Variants in ERCC6L observed in about 807,000 individuals in gnomAD.
ERCC6L encodes DNA excision repair protein ERCC-6-like.
In ERCC6L, 7 loss-of-function variants were observed where a neutral mutation model predicts 20.1. The ratio of observed to expected loss-of-function variants is 0.35; its 90% CI spans 0.20 to 0.65. The LOEUF (loss-of-function observed/expected upper bound fraction) is 0.65. Ranked by LOEUF, ERCC6L falls within the 30% of genes least tolerant of loss-of-function variation. The probability of loss-of-function intolerance (pLI) is 0.69; values close to 1 mark genes in which losing one functional copy is unlikely to be tolerated. For missense variants in ERCC6L, 592 were observed against 892.4 expected, an observed-to-expected ratio of 0.66 and a Z score of 4.29; for synonymous variants, 278 against 331.3, an observed-to-expected ratio of 0.84 and a Z score of 1.75.
chrX:72,212,134 G>A (rs1056729657), intron 1 of ERCC6L, among the ~76,000 whole-genome samples: 4 of 110,298 alleles, frequency 3.6e-5, no homozygotes, highest in Non-Finnish European at 5.7e-5. Flanking sequence ...AAAATTAGCC[G>A]GGCATGGTGG....
At chrX:72,230,417 C>T (rs1463878219) in intron 1 of ERCC6L, among the ~76,000 whole-genome samples, 1 of 110,877 alleles carries the variant, frequency 9.0e-6, no homozygotes, top group Non-Finnish European at 1.9e-5. Flanking sequence ...ACCTCTCCCT[C>T]ACACAGAAAC....
chrX:72,238,786 C>T (rs978350988), intron 1 of ERCC6L, 58 bp downstream of exon 1: 1 of 1,099,017 alleles, frequency 9.1e-7, no homozygotes, highest in African/African-American at 1.8e-5. Context: ...CGGGGGCCAC[C>T]CCACCTCCAC....
chrX:72,226,916 T>C (rs773033741), intron 1 of ERCC6L, among the ~76,000 whole-genome samples: 1 of 111,620 alleles, frequency 9.0e-6, no homozygotes, highest in Non-Finnish European at 1.9e-5. Flanking sequence ...TGACAACATT[T>C]CTTAAGCTCC....
Position 72,238,824 on chromosome X carries a change from G to C in ERCC6L, c.68+20C>G. ...TGGGCCAGGTCGGTTAGCTAGACCCGCCCAGCGGTCCAGACATACCTTAGG... is the reference window on the plus strand; with the variant it reads ...TGGGCCAGGTCGGTTAGCTAGACCCCCCCAGCGGTCCAGACATACCTTAGG... On this transcript the variant is annotated intron_variant, in intron 1 of 1. Coordinates refer to ENST00000334463, the MANE Select transcript of ERCC6L (RefSeq NM_017669.4). The C allele has an allele frequency of 2.6e-6, 3 of 1,175,493 alleles. No individual in the cohort carries two copies. Among genetic ancestry groups the C allele is most frequent in the Non-Finnish European group, 3.4e-6 (3 of 876,156 alleles).
intron 1 of ERCC6L, among the ~76,000 whole-genome samples, chrX:72,223,936 A>G (rs1162155980): frequency 9.0e-6 from 1 of 110,941 alleles, no homozygotes; most frequent in African/African-American, 3.3e-5. Flanking sequence ...CTTTGGGGAC[A>G]CTGGAAAATG....
Position 72,208,600 on chromosome X carries a change from A to G in ERCC6L, c.167T>C (p.Val56Ala). Residue 56 changes from valine to alanine, a missense_variant, in exon 2 of 2, where the codon GTG becomes GCG. Val to Ala is a moderately conservative substitution (Grantham distance 64). Around this residue, in one of 3 missense-constraint regions of ERCC6L, gnomAD observed 44 missense variants for 49.8 expected, o/e 0.88. Coordinates refer to ENST00000334463, the MANE Select transcript of ERCC6L (RefSeq NM_017669.4). Reference sequence around the variant, plus strand: ...CTGTATTTTTTGGATTCTGCTCAGCACTTTTTCATTGGGAAAAATGTCCTT... The same window carrying G: ...CTGTATTTTTTGGATTCTGCTCAGCGCTTTTTCATTGGGAAAAATGTCCTT... ...LAKDIFPNEK[V>A]LSRIQKIQEA... is the part of the protein sequence containing the mutation. The G allele has an allele frequency of 8.3e-7, 1 of 1,211,317 alleles. No homozygotes were observed. The highest frequency in any genetic ancestry group is 1.1e-6 in the Non-Finnish European group (1 of 895,217).
chrX:72,235,594 C>T (rs986304858), intron 1 of ERCC6L, among the ~76,000 whole-genome samples: 9 of 109,602 alleles, frequency 8.2e-5, no homozygotes, highest in Middle Eastern at 9.3e-3. Context: ...GGTTTCATCA[C>T]GTTGGCCAGG....
chrX:72,224,348 T>C (rs937507228), intron 1 of ERCC6L, among the ~76,000 whole-genome samples: 2 of 111,231 alleles, frequency 1.8e-5, no homozygotes, highest in African/African-American at 3.3e-5. Flanking sequence ...GGAAGGGACA[T>C]CCTACACAAA....
At chrX:72,238,707 A>T in intron 1 of ERCC6L, 137 bp downstream of exon 1, 1 of 527,527 alleles carries the variant, frequency 1.9e-6, no homozygotes, top group Non-Finnish European at 3.1e-6. Flanking sequence ...CCCACACCCT[A>T]CTGCGAGAAG....
At position 72,207,656 on chromosome X, in the gene ERCC6L, T is replaced by C; in HGVS notation, c.1111A>G (p.Ile371Val). The change falls in exon 2 of 2, where the codon ATA becomes GTA. Residue 371 changes from isoleucine to valine, a missense_variant. Physicochemically the swap from Ile to Val is conservative, Grantham distance 29 (BLOSUM62 3). Around this residue, in one of 3 missense-constraint regions of ERCC6L, gnomAD observed 196 missense variants for 440.1 expected, o/e 0.45. Transcript: ENST00000334463. ...TCTTCTTGTAAAGGCACAAGTCGTATCCAAATAATTAAATCATTTTTCCTG... is the reference window on the plus strand; with the variant it reads ...TCTTCTTGTAAAGGCACAAGTCGTACCCAAATAATTAAATCATTTTTCCTG... ...LSRKNDLIIW[I>V]RLVPLQEEIY... 2 of 1,209,648 alleles carry C rather than the reference T, an allele frequency of 1.7e-6. No individual in the cohort carries two copies. Among genetic ancestry groups the C allele is most frequent in the Non-Finnish European group, 1.1e-6 (1 of 894,572 alleles).
At chrX:72,233,823 T>G (rs1049249084) in intron 1 of ERCC6L, among the ~76,000 whole-genome samples, 11 of 104,518 alleles carry the variant, frequency 1.1e-4, no homozygotes, top group African/African-American at 2.8e-4. Context: ...AAGAATATGG[T>G]TTTTTTTTTG....
In ERCC6L at chrX:72,229,690, T is replaced by C. The variant is rs1039448356; in HGVS notation, c.68+9154A>G. On this transcript the variant is annotated intron_variant, in intron 1 of 1. Coordinates refer to ENST00000334463, the MANE Select transcript of ERCC6L (RefSeq NM_017669.4). ...TATCTATCTCCCTCCATTGGACTTG[T>C]TCCTCCTGATCGACCTTTGCCCATC... 2.7e-5 allele frequency among the ~76,000 whole-genome samples: 3 copies of C among 111,592 alleles called. No individual in the cohort carries two copies. In the Admixed American group the frequency reaches 2.9e-4, roughly 11 times the overall value.
intron 1 of ERCC6L, among the ~76,000 whole-genome samples, chrX:72,223,832 T>A (rs1025272403): frequency 9.0e-6 from 1 of 111,596 alleles, no homozygotes; most frequent in African/African-American, 3.3e-5. Context: ...CACCCTGAAG[T>A]GCCACATCAG....
At chrX:72,217,921 T>C (rs191359261) in intron 1 of ERCC6L, among the ~76,000 whole-genome samples, 181 of 111,816 alleles carry the variant, frequency 1.6e-3, no homozygotes, top group Middle Eastern at 4.6e-3. Context: ...TCGTAAGTTT[T>C]GAATTTGGGA....
rs1168419976 is a variant in ERCC6L at position 72,205,555 on chromosome X, G to T, written c.3212C>A (p.Pro1071Gln). 3 of 1,210,894 alleles carry T rather than the reference G, an allele frequency of 2.5e-6. No individual in the cohort carries two copies. The highest frequency in any genetic ancestry group is 3.4e-6 in the Non-Finnish European group (3 of 894,811). The change falls in exon 2 of 2, where the codon CCA (proline) becomes CAA (glutamine). Residue 1071 changes from proline (P) to glutamine (Q), a missense_variant. Physicochemically the swap from Pro to Gln is moderately conservative, Grantham distance 76. Transcript: ENST00000334463. ...TATTTGAGATGAAAAGAACCTTCCTGGTGGACTGATGTCATTTTTGGGAGT... is the reference window on the plus strand; with the variant it reads ...TATTTGAGATGAAAAGAACCTTCCTTGTGGACTGATGTCATTTTTGGGAGT... Reference protein sequence around the residue: ...ASTPKNDISPPGRFFSSQIPS... With the variant: ...ASTPKNDISPQGRFFSSQIPS...
chrX:72,224,178 T>C (rs1457728148), intron 1 of ERCC6L, among the ~76,000 whole-genome samples: 5 of 111,547 alleles, frequency 4.5e-5, no homozygotes, highest in African/African-American at 1.6e-4. Flanking sequence ...CAGTATTAAC[T>C]GAATATCAAG....
Position 72,206,116 on chromosome X carries a change from A to G in ERCC6L, c.2651T>C (p.Leu884Pro). The G allele has an allele frequency of 1.9e-5, 23 of 1,211,734 alleles. No homozygotes were observed. The highest frequency in any genetic ancestry group is 2.5e-5 in the Non-Finnish European group (22 of 895,406). The change falls in exon 2 of 2, where the codon CTA becomes CCA. Residue 884 changes from leucine to proline, a missense_variant. Coordinates refer to ENST00000334463, the MANE Select transcript of ERCC6L (RefSeq NM_017669.4). The stretch of plus-strand genomic sequence containing the variant: ...ATGACGTAAAATCTCATCATCCTTT[A>G]GTTGATCTAAATTTGGCCCAATATC... ...KADIGPNLDQ[L>P]KDDEILRHCN...
At chrX:72,238,701 C>T (rs2043031268) in intron 1 of ERCC6L, 143 bp downstream of exon 1, 3 of 504,944 alleles carry the variant, frequency 5.9e-6, no homozygotes, top group African/African-American at 4.7e-5. Context: ...CTGACTCCCA[C>T]ACCCTACTGC....
At position 72,206,664 on chromosome X, in the gene ERCC6L, A is replaced by T. The variant is rs530425110; in HGVS notation, c.2103T>A (p.Val701=). The change falls in exon 2 of 2, where the codon GTT becomes GTA. Residue 701 remains valine, a synonymous_variant. Transcript: ENST00000334463. ...VEESHYIQQR[V]QKAQFLVEFE... Reference sequence around the variant, plus strand: ...ATTCAACGAGGAATTGAGCTTTCTGAACCCTTTGTTGAATATAGTGAGATT... The same window carrying T: ...ATTCAACGAGGAATTGAGCTTTCTGTACCCTTTGTTGAATATAGTGAGATT... 13 of 1,209,844 alleles carry T rather than the reference A, an allele frequency of 1.1e-5. 1 individual carries two copies. In the African/African-American group the frequency reaches 1.4e-4, roughly 13 times the overall value.
Sources: allele counts gnomAD v4.1 joint callset (sites outside exome capture counted in the v4.1 genomes callset), GRCh38; gene constraint gnomAD v4.1.1; regional missense constraint gnomAD v4.1.1; transcripts MANE v1.5; gene names NCBI Gene and HGNC (gene_info 2026-07-23, HGNC 2026-07-21).